Variants in RBM19 observed in about 807,000 individuals in gnomAD.
RBM19 encodes the protein RNA binding motif protein 19.
In RBM19, 94 loss-of-function variants were observed where a neutral mutation model predicts 116.8. The observed-to-expected ratio is 0.80, with a 90% CI of 0.68 to 0.95. The LOEUF (loss-of-function observed/expected upper bound fraction) is 0.95. Ranked by LOEUF, RBM19 falls within the 40% of genes least tolerant of loss-of-function variation. The pLI is 0.00. For missense variants in RBM19, 1,161 were observed against 1,220.7 expected (o/e 0.95, Z 0.73); for synonymous variants, 475 against 494.1 (o/e 0.96, Z 0.51).
chr12:113,879,024 G>A (rs543376441), intron 21 of RBM19, among the ~76,000 whole-genome samples: 7 of 152,276 alleles, frequency 4.6e-5, no homozygotes, highest in Non-Finnish European at 1.0e-4. Flanking sequence ...CATCCCCGCC[G>A]TCTTGCAGTG....
At chr12:113,853,905 C>T (rs1305655573) in intron 22 of RBM19, among the ~76,000 whole-genome samples, 3 of 152,004 alleles carry the variant, frequency 2.0e-5, no homozygotes, top group Admixed American at 1.3e-4. Context: ...AACCTCTTGG[C>T]CTTCCTCCAA....
intron 8 of RBM19, among the ~76,000 whole-genome samples, chr12:113,951,551 TCACA>T (rs1304730449): frequency 7.1e-6 from 1 of 140,236 alleles, no homozygotes; most frequent in Non-Finnish European, 1.5e-5. Flanking sequence ...ACACACACAC[TCACA>T]CACACAAACA....
At chr12:113,833,795 G>A (rs1304261592) in intron 23 of RBM19, among the ~76,000 whole-genome samples, 2 of 152,232 alleles carry the variant, frequency 1.3e-5, no homozygotes, top group Non-Finnish European at 2.9e-5. Flanking sequence ...CCAGGCTGGA[G>A]TGCAGTGGCG....
chr12:113,965,682 G>A (rs1334315490), intron 1 of RBM19, among the ~76,000 whole-genome samples: 1 of 152,166 alleles, frequency 6.6e-6, no homozygotes, highest in African/African-American at 2.4e-5. Flanking sequence ...GTATGGCTGG[G>A]TCACCACTCC....
rs148984044 is a variant in RBM19, at chr12:113,830,342, G to A, written c.2786-7021C>T. 9.2e-5 allele frequency among the ~76,000 whole-genome samples: 14 copies of A among 152,294 alleles called. 1 individual carries two copies. The East Asian group carries it at 2.3e-3, about 25-fold the overall frequency. On this transcript the variant is annotated intron_variant, in intron 23 of 23. Transcript: ENST00000261741. ...GATGCAAATGGCCTGGGGTGAGCAC[G>A]GGATATGATGACTGCTATGATGACT...
intron 21 of RBM19, among the ~76,000 whole-genome samples, chr12:113,901,540 G>A (rs1881693493): frequency 6.6e-6 from 1 of 151,406 alleles, no homozygotes; most frequent in African/African-American, 2.4e-5. Flanking sequence ...ACAGAGTCTT[G>A]CTCTGTCACC....
Position 113,966,261 on chromosome 12 carries a change from G to T in RBM19, c.-34C>A. The T allele has an allele frequency of 6.2e-7, 1 of 1,613,650 alleles. No individual in the cohort carries two copies. The highest frequency in any genetic ancestry group is 8.5e-7 in the Non-Finnish European group (1 of 1,179,916). On this transcript the variant is annotated 5_prime_UTR_variant, in exon 1 of 24. Transcript: ENST00000261741. ...GTCCCCGCTGTTTTGATTCCAACAC[G>T]ACTGGTCAGCGTCTTCCACCAAGTT... is the stretch of plus-strand genomic sequence containing the variant.
At chr12:113,889,151 C>G (rs539680682) in intron 21 of RBM19, among the ~76,000 whole-genome samples, 7 of 152,364 alleles carry the variant, frequency 4.6e-5, no homozygotes, top group Admixed American at 1.3e-4. Context: ...TCGGCCCCAT[C>G]TGTCCTGTGC....
chr12:113,860,100 C>A (rs186746755), intron 21 of RBM19, among the ~76,000 whole-genome samples: 4 of 152,240 alleles, frequency 2.6e-5, no homozygotes, highest in African/African-American at 7.2e-5. Flanking sequence ...TCTGCTCCCC[C>A]CTCCTGGTGC....
chr12:113,872,129 T>C, intron 21 of RBM19, among the ~76,000 whole-genome samples: 1 of 147,972 alleles, frequency 6.8e-6, no homozygotes, highest in South Asian at 2.3e-4. Flanking sequence ...GGAGCGTCTC[T>C]GCCCGGCCGC....
At chr12:113,907,176 G>A (rs906727277) in intron 21 of RBM19, among the ~76,000 whole-genome samples, 5 of 152,154 alleles carry the variant, frequency 3.3e-5, no homozygotes, top group African/African-American at 1.2e-4. Flanking sequence ...CACAGAAACT[G>A]GTACTGGTCT....
chr12:113,924,859 T>A, intron 17 of RBM19, 102 bp from the exon 18 acceptor site: 1 of 959,152 alleles, frequency 1.0e-6, no homozygotes, highest in Non-Finnish European at 1.7e-6. Flanking sequence ...ATGGACACCT[T>A]GGGGTCCCAA....
At chr12:113,945,580 C>T (rs1870938827) in intron 13 of RBM19, among the ~76,000 whole-genome samples, 1 of 152,248 alleles carries the variant, frequency 6.6e-6, no homozygotes, top group Non-Finnish European at 1.5e-5. Flanking sequence ...GTCAACACCA[C>T]TGTCAATCAC....
intron 19 of RBM19, 75 bp from the exon 20 acceptor site, chr12:113,918,522 C>T: frequency 6.6e-7 from 1 of 1,517,476 alleles, no homozygotes; most frequent in South Asian, 1.1e-5. Context: ...TTCACCAGAG[C>T]AGAGCCCTGG....
intron 8 of RBM19, among the ~76,000 whole-genome samples, chr12:113,951,312 T>C (rs1871442715): frequency 6.6e-6 from 1 of 152,076 alleles, no homozygotes; most frequent in South Asian, 2.1e-4. Flanking sequence ...CCAATATGGT[T>C]TTCTCTTGGG....
At chr12:113,872,138 G>A (rs1879256689) in intron 21 of RBM19, among the ~76,000 whole-genome samples, 2 of 148,378 alleles carry the variant, frequency 1.3e-5, no homozygotes, top group African/African-American at 2.5e-5. Context: ...CTGCCCGGCC[G>A]CCCATCGTCT....
chr12:113,939,560 G>A (rs950890152), intron 15 of RBM19, among the ~76,000 whole-genome samples: 20 of 150,796 alleles, frequency 1.3e-4, no homozygotes, highest in African/African-American at 4.9e-4. Flanking sequence ...CCATCCTGGT[G>A]AACACGGTGA....
chr12:113,867,847 T>C (rs1191953639), intron 21 of RBM19, among the ~76,000 whole-genome samples: 2 of 152,130 alleles, frequency 1.3e-5, no homozygotes, highest in Admixed American at 6.5e-5. Context: ...GAGAACTGCT[T>C]GAACCCGGAA....
intron 21 of RBM19, among the ~76,000 whole-genome samples, chr12:113,880,992 G>A (rs1216915719): frequency 6.6e-6 from 1 of 152,162 alleles, no homozygotes; most frequent in Non-Finnish European, 1.5e-5. Flanking sequence ...GCAAACGCGG[G>A]TGAGTTTTGG....
Sources: gnomAD v4.1 joint callset for allele counts (sites outside exome capture counted in the v4.1 genomes callset) on GRCh38, gnomAD v4.1.1 for gene constraint, MANE v1.5 for transcripts, NCBI Gene and HGNC (gene_info 2026-07-23, HGNC 2026-07-21) for gene names.